The following DMD variants were observed in gnomAD, a reference collection of about 807,000 sequenced individuals.
The protein encoded by DMD is dystrophin.
DMD carries 63 observed loss-of-function variants against 330.1 expected under a neutral mutation model. That is an observed-to-expected ratio of 0.19 (90% confidence interval 0.16 to 0.24). DMD has a LOEUF of 0.24. Among genes scored for constraint, DMD ranks in the 10% least tolerant of loss-of-function variants. The probability of loss-of-function intolerance (pLI) is 1.00; values close to 1 mark genes in which losing one functional copy is unlikely to be tolerated. For missense variants in DMD, 3,344 were observed against 2,684.1 expected, an observed-to-expected ratio of 1.25 and a Z score of -5.43; for synonymous variants, 1,223 against 959.8, an observed-to-expected ratio of 1.27 and a Z score of -5.07.
At chrX:33,188,153 C>T (rs1454514553) in intron 1 of DMD, among the ~76,000 whole-genome samples, 1 of 110,758 alleles carries the variant, frequency 9.0e-6, no homozygotes, top group Non-Finnish European at 1.9e-5. Context: ...TTGTGATGAT[C>T]TATGACCTTG....
intron 23 of DMD, among the ~76,000 whole-genome samples, chrX:32,468,196 G>C (rs140546961): frequency 0.011 from 1,219 of 110,528 alleles, 14 homozygotes; most frequent in African/African-American, 0.038. Context: ...TATCTTAAAA[G>C]ACAACCAGAC....
chrX:31,853,808 G>A (rs777318058), intron 48 of DMD, among the ~76,000 whole-genome samples: 16 of 111,874 alleles, frequency 1.4e-4, no homozygotes, highest in Admixed American at 2.8e-4. Flanking sequence ...ATTGTGGGGC[G>A]TCCCCAAGTA....
chrX:32,158,690 G>A (rs59399365), intron 44 of DMD, among the ~76,000 whole-genome samples: 11,943 of 111,042 alleles, frequency 0.11, 583 homozygotes, highest in Admixed American at 0.18. Context: ...TGATGTGCAG[G>A]ACATAGATAT....
At chrX:32,972,336 C>T (rs1428759965) in intron 2 of DMD, among the ~76,000 whole-genome samples, 1 of 110,311 alleles carries the variant, frequency 9.1e-6, no homozygotes, top group African/African-American at 3.3e-5. Context: ...CACCACGACG[C>T]TCTGTTAATT....
chrX:32,269,160 G>C (rs1347778828), intron 43 of DMD, among the ~76,000 whole-genome samples: 1 of 110,746 alleles, frequency 9.0e-6, no homozygotes, highest in African/African-American at 3.3e-5. Context: ...CCTTCCTCTG[G>C]AAACACTTGA....
At chrX:31,389,030 A>G (rs1274176024) in intron 60 of DMD, among the ~76,000 whole-genome samples, 1 of 112,650 alleles carries the variant, frequency 8.9e-6, no homozygotes, top group African/African-American at 3.2e-5. Context: ...CCCATATACA[A>G]TTTGTCCAAC....
intron 47 of DMD, among the ~76,000 whole-genome samples, chrX:31,886,809 T>C (rs771006543): frequency 2.7e-5 from 3 of 111,766 alleles, no homozygotes; most frequent in Non-Finnish European, 5.6e-5. Flanking sequence ...AGACCAGAGA[T>C]TTTACTTTTA....
chrX:32,540,335 A>C (rs761548187), intron 17 of DMD, among the ~76,000 whole-genome samples: 120 of 111,921 alleles, frequency 1.1e-3, no homozygotes, highest in Non-Finnish European at 1.6e-3. Flanking sequence ...TTATGCAATA[A>C]ATACAACATA....
Position 32,319,010 on chromosome X carries a change from T to G in DMD, c.5923-8734A>C, listed in dbSNP as rs184665558. 3.4e-3 allele frequency among the ~76,000 whole-genome samples: 384 copies of G among 111,614 alleles called. 2 individuals are homozygous for G. Among genetic ancestry groups the G allele is most frequent in the Middle Eastern group, 0.014 (3 of 219 alleles). ...TTTACCTAATTCCTCAGGGCCAAGC[T>G]CAATTACTATCAAATTAAGCTGATA... On this transcript the variant is annotated intron_variant, in intron 41 of 78. Transcript: ENST00000357033.
intron 13 of DMD, among the ~76,000 whole-genome samples, chrX:32,594,892 A>T (rs2055346786): frequency 8.9e-6 from 1 of 111,854 alleles, no homozygotes; most frequent in Non-Finnish European, 1.9e-5. Flanking sequence ...TCAAGCATGG[A>T]TTCTTTTGGG....
At chrX:32,070,164 C>T (rs1773374618) in intron 44 of DMD, among the ~76,000 whole-genome samples, 1 of 110,596 alleles carries the variant, frequency 9.0e-6, no homozygotes, top group Admixed American at 9.7e-5. Context: ...ATGATTCAGG[C>T]CAATCGGATG....
chrX:32,741,270 G>A (rs757454133), intron 7 of DMD, among the ~76,000 whole-genome samples: 26 of 111,404 alleles, frequency 2.3e-4, no homozygotes, highest in African/African-American at 8.1e-4. Flanking sequence ...GGGCAACAGC[G>A]CTGACATTTC....
rs760196565 is a variant in DMD at position 31,878,123 on chromosome X, T to G, written c.6913-2750A>C. ...CTTGTAATAGAGGTAAAACAATTCC[T>G]GACAGAAAACAGTGTAATGGGTCAG... On this transcript the variant is annotated intron_variant, in intron 47 of 78. Transcript: ENST00000357033. Among the ~76,000 whole-genome samples the G allele has an allele frequency of 3.1e-4, 35 of 112,031 alleles. No homozygotes were observed. The South Asian group carries it at 0.013, about 40-fold the overall frequency.
At chrX:32,218,340 A>G (rs756918312) in intron 43 of DMD, among the ~76,000 whole-genome samples, 2 of 111,717 alleles carry the variant, frequency 1.8e-5, no homozygotes, top group East Asian at 5.7e-4. Flanking sequence ...TTGAAATCTT[A>G]CTGGGCTTAC....
chrX:32,314,386 A>G (rs186881199), intron 41 of DMD, among the ~76,000 whole-genome samples: 161 of 111,608 alleles, frequency 1.4e-3, no homozygotes, highest in African/African-American at 5.0e-3. Context: ...CACCTTATAC[A>G]AAAATTAACT....
intron 52 of DMD, among the ~76,000 whole-genome samples, chrX:31,720,494 G>A (rs1022923733): frequency 3.6e-5 from 4 of 111,549 alleles, no homozygotes; most frequent in Admixed American, 9.6e-5. Context: ...AAAAATGCTA[G>A]CCTATAAACA....
intron 51 of DMD, among the ~76,000 whole-genome samples, chrX:31,751,078 A>G (rs1187336858): frequency 2.8e-5 from 3 of 107,720 alleles, no homozygotes; most frequent in African/African-American, 6.8e-5. Flanking sequence ...TGCCCAAGGT[A>G]ATTTACAGAT....
intron 9 of DMD, among the ~76,000 whole-genome samples, chrX:32,670,159 T>C (rs1439827421): frequency 9.0e-6 from 1 of 111,708 alleles, no homozygotes; most frequent in Non-Finnish European, 1.9e-5. Context: ...AAAGTTATTA[T>C]ACTTCCTATC....
intron 9 of DMD, among the ~76,000 whole-genome samples, chrX:32,656,065 G>A (rs1055797954): frequency 9.0e-6 from 1 of 111,554 alleles, no homozygotes; most frequent in South Asian, 3.7e-4. Flanking sequence ...CACCCTTTAT[G>A]TAGTATTAGA....
Sources: allele counts gnomAD v4.1 joint callset (sites outside exome capture counted in the v4.1 genomes callset), GRCh38; gene constraint gnomAD v4.1.1; transcripts MANE v1.5; gene names NCBI Gene and HGNC (gene_info 2026-07-23, HGNC 2026-07-21).